WDTC1: variants seen among roughly 807,000 people sequenced by gnomAD.
WDTC1 encodes WD and tetratricopeptide repeats 1.
In WDTC1, 12 loss-of-function variants were observed where a neutral mutation model predicts 76.0. The ratio of observed to expected loss-of-function variants is 0.16; its 90% CI spans 0.10 to 0.26. The LOEUF is 0.26. WDTC1 is among the 10% of genes least tolerant of loss of function. The pLI, the probability that WDTC1 is intolerant of heterozygous loss-of-function variation, is 1.00. For missense variants in WDTC1, 511 were observed against 908.8 expected (o/e 0.56, Z 5.63); for synonymous variants, 326 against 350.8 (o/e 0.93, Z 0.79).
Position 27,305,049 on chromosome 1 carries a change from C to T in WDTC1, c.1692C>T (p.Ile564=), listed in dbSNP as rs1475749472. ...VSGSDDGSFF[I]WEKETTNLVR... ...GCTCTGACGATGGCTCCTTCTTCAT[C>T]TGGGAAAAGGAGACCACCAACCTGG... The change falls in exon 15 of 16, where the codon ATC becomes ATT. Residue 564 remains isoleucine, a synonymous_variant. Transcript: ENST00000319394. The surrounding 1 kb of genome is among the most constrained non-coding windows in gnomAD (Gnocchi z 4.6). 1.2e-6 allele frequency: 2 copies of T among 1,613,906 alleles called. No homozygotes were observed. The highest frequency in any genetic ancestry group is 2.7e-5 in the African/African-American group (2 of 74,908).
At chr1:27,297,740 GAATGAAATTCCA>G (rs2013730624) in intron 11 of WDTC1, among the ~76,000 whole-genome samples, 186 bp from the exon 12 acceptor site, 1 of 152,090 alleles carries the variant, frequency 6.6e-6, no homozygotes, top group South Asian at 2.1e-4. Context: ...ATGGTATTTG[GAATGAAATTCCA>G]AATGGTATTC....
At chr1:27,276,705 G>A (rs1384571707) in intron 3 of WDTC1, among the ~76,000 whole-genome samples, 3 of 149,066 alleles carry the variant, frequency 2.0e-5, no homozygotes, top group Non-Finnish European at 3.0e-5. Context: ...AAAAAAAAAA[G>A]AAAAGAAAAA....
At chr1:27,263,354 A>G (rs953604811) in intron 3 of WDTC1, 119 bp downstream of exon 3, 2 of 820,108 alleles carry the variant, frequency 2.4e-6, no homozygotes, top group African/African-American at 3.5e-5. Flanking sequence ...CATATCTGAC[A>G]GTTACTTCTC....
chr1:27,266,491 G>A (rs1157965264), intron 3 of WDTC1, among the ~76,000 whole-genome samples: 6 of 152,130 alleles, frequency 3.9e-5, no homozygotes, highest in Non-Finnish European at 1.5e-5. Context: ...TGTCTCTTAG[G>A]TGTAAGTCAG....
At chr1:27,295,511 T>C (rs2013660011) in intron 9 of WDTC1, among the ~76,000 whole-genome samples, 1 of 151,936 alleles carries the variant, frequency 6.6e-6, no homozygotes, top group African/African-American at 2.4e-5. Context: ...TGGAGGGCAA[T>C]GGTGCGATCT....
chr1:27,240,120 A>G (rs2011585920), intron 1 of WDTC1, among the ~76,000 whole-genome samples: 1 of 151,938 alleles, frequency 6.6e-6, no homozygotes, highest in Non-Finnish European at 1.5e-5. Flanking sequence ...CGAATTCCTG[A>G]CCTCAGGTGA....
At chr1:27,237,654 C>G (rs1010553927) in intron 1 of WDTC1, among the ~76,000 whole-genome samples, 5 of 152,000 alleles carry the variant, frequency 3.3e-5, no homozygotes, top group Admixed American at 6.6e-5. Context: ...TTGAGACCAT[C>G]CTGGCTAACA....
At chr1:27,292,100 A>G in intron 6 of WDTC1, 115 bp from the exon 7 acceptor site, 1 of 1,126,764 alleles carries the variant, frequency 8.9e-7, no homozygotes, top group South Asian at 1.9e-5. Flanking sequence ...ATTCTTATTT[A>G]GAAACAGGTC....
At position 27,301,162 on chromosome 1, in the gene WDTC1, T is replaced by A; in HGVS notation, c.1233-64T>A. The A allele has an allele frequency of 1.3e-6, 2 of 1,493,146 alleles. No individual in the cohort carries two copies. Among genetic ancestry groups the A allele is most frequent in the South Asian group, 2.3e-5 (2 of 86,676 alleles). The allele number at this position is 1,493,146 out of a possible 1,614,324, so 92.5% of individuals were successfully genotyped here. ...GGTGGCCACAGGAAGCAGAGGAGAC[T>A]GAATGGGGACCCCTTGCTTGCCACG... On this transcript the variant is annotated intron_variant, in intron 12 of 15. Transcript: ENST00000319394. This position sits in a 1 kb window ranked among gnomAD's most constrained non-coding sequence, Gnocchi z 5.8.
At chr1:27,245,188 G>A (rs2011785729) in intron 1 of WDTC1, among the ~76,000 whole-genome samples, 2 of 151,880 alleles carry the variant, frequency 1.3e-5, no homozygotes, top group South Asian at 4.1e-4. Context: ...ATTCATAGCA[G>A]CATTATTCAT....
At chr1:27,251,896 A>G (rs1438007606) in intron 1 of WDTC1, among the ~76,000 whole-genome samples, 2 of 152,002 alleles carry the variant, frequency 1.3e-5, no homozygotes, top group Non-Finnish European at 2.9e-5. Flanking sequence ...TAAAAATACA[A>G]AACTTAGCCG....
At chr1:27,256,871 C>CT (rs935087721) in intron 1 of WDTC1, among the ~76,000 whole-genome samples, 1 of 151,954 alleles carries the variant, frequency 6.6e-6, no homozygotes. Flanking sequence ...ATATTTCTTT[C>CT]TTTTTTTTGA....
intron 1 of WDTC1, among the ~76,000 whole-genome samples, chr1:27,242,819 G>A (rs1210507740): frequency 6.6e-6 from 1 of 152,148 alleles, no homozygotes; most frequent in Non-Finnish European, 1.5e-5. Context: ...ACTGGGCAGG[G>A]GAGAAGACAT....
chr1:27,264,079 A>G (rs993248656), intron 3 of WDTC1, among the ~76,000 whole-genome samples: 5 of 152,088 alleles, frequency 3.3e-5, no homozygotes, highest in African/African-American at 9.7e-5. Context: ...ACTTGAGGTC[A>G]GGAGTTTGAG....
chr1:27,293,349 G>A (rs1029017859), intron 7 of WDTC1, among the ~76,000 whole-genome samples: 3 of 149,472 alleles, frequency 2.0e-5, no homozygotes, highest in Admixed American at 6.7e-5. Flanking sequence ...GGAGAATGGC[G>A]TCAACCTGGG....
intron 1 of WDTC1, among the ~76,000 whole-genome samples, chr1:27,254,799 A>AT (rs1051078733): frequency 2.0e-5 from 3 of 151,638 alleles, no homozygotes; most frequent in African/African-American, 4.8e-5. Flanking sequence ...CGCCTGGCTG[A>AT]TTTTTTTTGT....
chr1:27,237,579 G>A (rs2011516290), intron 1 of WDTC1, among the ~76,000 whole-genome samples: 1 of 152,152 alleles, frequency 6.6e-6, no homozygotes, highest in South Asian at 2.1e-4. Flanking sequence ...GCTGAGCGCG[G>A]TGGCTCACGC....
chr1:27,242,793 C>G (rs969991837), intron 1 of WDTC1, among the ~76,000 whole-genome samples: 8 of 152,146 alleles, frequency 5.3e-5, no homozygotes, highest in African/African-American at 1.9e-4. Flanking sequence ...AAAGCTCAAA[C>G]AGCAATACGG....
chr1:27,235,368 C>G (rs147546899), intron 1 of WDTC1, among the ~76,000 whole-genome samples: 2,840 of 151,122 alleles, frequency 0.019, 45 homozygotes, highest in Non-Finnish European at 0.031. Flanking sequence ...CTCGCTCTCT[C>G]TCTTTCTGTT....
Sources: allele counts gnomAD v4.1 joint callset (sites outside exome capture counted in the v4.1 genomes callset), GRCh38; gene constraint gnomAD v4.1.1; non-coding constraint Gnocchi (gnomAD v3.1); transcripts MANE v1.5; gene names NCBI Gene and HGNC (gene_info 2026-07-23, HGNC 2026-07-21).